APBA2: variants seen among roughly 807,000 people sequenced by gnomAD.
APBA2 encodes the protein amyloid beta precursor protein binding family A member 2.
APBA2 carries 30 observed loss-of-function variants against 75.0 expected under a neutral mutation model. The ratio of observed to expected loss-of-function variants is 0.40; its 90% CI spans 0.30 to 0.54. The LOEUF (loss-of-function observed/expected upper bound fraction) is 0.54. APBA2 is among the 20% of genes least tolerant of loss of function. The probability of loss-of-function intolerance (pLI) is 0.49; values close to 1 mark genes in which losing one functional copy is unlikely to be tolerated. For missense variants in APBA2, 801 were observed against 1,016.1 expected (o/e 0.79, Z 2.88); for synonymous variants, 444 against 409.6 (o/e 1.08, Z -1.01).
intron 6 of APBA2, among the ~76,000 whole-genome samples, chr15:29,085,898 T>A (rs535402448): frequency 2.4e-4 from 37 of 152,288 alleles, no homozygotes; most frequent in African/African-American, 8.7e-4. Context: ...TGTATATGTC[T>A]ATGTGGAAGG....
At chr15:28,902,765 G>A (rs1312757994) in intron 1 of APBA2, among the ~76,000 whole-genome samples, 4 of 152,170 alleles carry the variant, frequency 2.6e-5, no homozygotes, top group African/African-American at 7.2e-5. Context: ...GGCAGATTGT[G>A]TCCCTCCACC....
At chr15:29,008,779 AATT>A (rs2039257726) in intron 3 of APBA2, among the ~76,000 whole-genome samples, 1 of 152,194 alleles carries the variant, frequency 6.6e-6, no homozygotes, top group Non-Finnish European at 1.5e-5. Context: ...CATACATATG[AATT>A]CTACCCACAG....
chr15:29,073,919 CTT>C (rs975800077), intron 4 of APBA2, among the ~76,000 whole-genome samples: 2 of 152,066 alleles, frequency 1.3e-5, no homozygotes, highest in Admixed American at 1.3e-4. Flanking sequence ...TAAGAGAAGA[CTT>C]ATGACATGTA....
At chr15:28,981,693 G>A (rs1423684254) in intron 2 of APBA2, among the ~76,000 whole-genome samples, 1 of 152,104 alleles carries the variant, frequency 6.6e-6, no homozygotes, top group Non-Finnish European at 1.5e-5. Flanking sequence ...CTACCAAAAA[G>A]ACACATGCAC....
chr15:28,985,072 C>T (rs2037848070), intron 2 of APBA2, among the ~76,000 whole-genome samples: 1 of 152,158 alleles, frequency 6.6e-6, no homozygotes, highest in Non-Finnish European at 1.5e-5. Context: ...CACATTGGAT[C>T]CTGAGGCTGA....
chr15:29,017,036 G>A (rs1024319688), intron 3 of APBA2, among the ~76,000 whole-genome samples: 7 of 152,252 alleles, frequency 4.6e-5, no homozygotes, highest in Admixed American at 1.3e-4. Flanking sequence ...GGCAGGCAGC[G>A]CTTTGGAGGA....
At chr15:29,093,265 G>A (rs748566343) in intron 7 of APBA2, 45 bp downstream of exon 7, 3 of 1,610,144 alleles carry the variant, frequency 1.9e-6, no homozygotes, top group East Asian at 2.2e-5. Flanking sequence ...GCACACTTTG[G>A]GGGGCACTAG....
At chr15:28,904,639 G>A (rs2033045221) in intron 1 of APBA2, among the ~76,000 whole-genome samples, 1 of 152,134 alleles carries the variant, frequency 6.6e-6, no homozygotes, top group Non-Finnish European at 1.5e-5. Context: ...ACACCATTGA[G>A]CAGCATCCAG....
intron 1 of APBA2, among the ~76,000 whole-genome samples, chr15:28,909,446 T>A (rs2033322340): frequency 6.6e-6 from 1 of 152,226 alleles, no homozygotes; most frequent in Admixed American, 6.5e-5. Context: ...AGAACTTCCT[T>A]CCTTCTTAGG....
intron 1 of APBA2, among the ~76,000 whole-genome samples, chr15:28,891,829 T>C (rs867492203): frequency 1.3e-5 from 2 of 152,190 alleles, no homozygotes; most frequent in Admixed American, 6.5e-5. Flanking sequence ...TTTTGGGGAA[T>C]GATAGCATAT....
chr15:29,117,028 G>A (rs1596026428), intron 14 of APBA2, 34 bp from the exon 15 acceptor site: 1 of 1,607,350 alleles, frequency 6.2e-7, no homozygotes, highest in Non-Finnish European at 8.5e-7. Flanking sequence ...GGAGGTGGGA[G>A]GGCAGCGGCT....
intron 2 of APBA2, among the ~76,000 whole-genome samples, chr15:28,945,311 G>A (rs1183798313): frequency 6.6e-6 from 1 of 152,174 alleles, no homozygotes; most frequent in African/African-American, 2.4e-5. Context: ...ACTCACAGTT[G>A]TTCGTGTTTG....
Position 28,886,059 on chromosome 15 carries a change from A to G in APBA2, c.-424A>G, listed in dbSNP as rs2031691860. On this transcript the variant is annotated 5_prime_UTR_variant, in exon 1 of 15. Coordinates refer to ENST00000683413, the MANE Select transcript of APBA2 (RefSeq NM_001353788.2). The stretch of plus-strand genomic sequence containing the variant: ...CAGGCCGGTGCGGGATGCGCCCCGC[A>G]GCCGCGCCGCGTGCGCCCGGCAGAG... 1.3e-5 allele frequency: 2 copies of G among 148,754 alleles called. No individual in the cohort carries two copies. Among genetic ancestry groups the G allele is most frequent in the Non-Finnish European group, 1.5e-5 (1 of 66,862 alleles). 9.2% of individuals were successfully genotyped at this position (148,754 alleles called of 1,614,324 possible).
In APBA2 at chr15:29,011,857, A is replaced by G. The variant is rs577822825; in HGVS notation, c.-41+16051A>G. 2.6e-5 allele frequency among the ~76,000 whole-genome samples: 4 copies of G among 152,382 alleles called. No individual in the cohort carries two copies. In the East Asian group the frequency reaches 7.7e-4, roughly 29 times the overall value. On this transcript the variant is annotated intron_variant, in intron 3 of 14. Coordinates refer to ENST00000683413, the MANE Select transcript of APBA2 (RefSeq NM_001353788.2). ...CATTTAACTAGATACATATAAATTT[A>G]GAATTTATTCCTAGTAGGTTGCCCT...
chr15:29,056,603 TCCCTCCC>T (rs1167416098), intron 4 of APBA2, among the ~76,000 whole-genome samples: 1,407 of 3,656 alleles, frequency 0.38, 147 homozygotes, highest in Non-Finnish European at 0.42. Flanking sequence ...CCTCCCTCCC[TCCCTCCC>T]TCCTTCTCTC....
intron 1 of APBA2, among the ~76,000 whole-genome samples, chr15:28,905,193 C>T (rs137960226): frequency 6.6e-6 from 1 of 152,162 alleles, no homozygotes; most frequent in African/African-American, 2.4e-5. Flanking sequence ...CTGCTGAATT[C>T]TGCGGCCCCA....
intron 3 of APBA2, among the ~76,000 whole-genome samples, chr15:29,035,744 A>G (rs2040715464): frequency 6.6e-6 from 1 of 152,146 alleles, no homozygotes; most frequent in Non-Finnish European, 1.5e-5. Flanking sequence ...TCCCCTGGGC[A>G]TGTGTGAGCA....
intron 1 of APBA2, among the ~76,000 whole-genome samples, chr15:28,904,770 A>G (rs998240975): frequency 3.3e-5 from 5 of 152,122 alleles, no homozygotes; most frequent in African/African-American, 9.7e-5. Context: ...CCAGCTTCCT[A>G]GGCTGGCTGG....
At position 29,117,296 on chromosome 15, in the gene APBA2, T is replaced by C; in HGVS notation, c.*163T>C. The stretch of plus-strand genomic sequence containing the variant: ...ACCACCCACTTGATTTTTTTCATTT[T>C]GCCAAAAAGGGGTATGTCTTTATCA... On this transcript the variant is annotated 3_prime_UTR_variant, in exon 15 of 15. Coordinates refer to ENST00000683413, the MANE Select transcript of APBA2 (RefSeq NM_001353788.2). The C allele has an allele frequency of 1.6e-6, 1 of 643,696 alleles. No individual in the cohort carries two copies. The highest frequency in any genetic ancestry group is 2.7e-6 in the Non-Finnish European group (1 of 364,342). The allele number at this position is 643,696 out of a possible 1,614,324, so 39.9% of individuals were successfully genotyped here.
Sources: allele counts gnomAD v4.1 joint callset (sites outside exome capture counted in the v4.1 genomes callset), GRCh38; gene constraint gnomAD v4.1.1; transcripts MANE v1.5; gene names NCBI Gene and HGNC (gene_info 2026-07-23, HGNC 2026-07-21).